The following PLCB1 variants were observed in gnomAD, a reference collection of about 807,000 sequenced individuals.
PLCB1 encodes phospholipase C beta 1, also known as 1-phosphatidylinositol 4,5-bisphosphate phosphodiesterase beta-1.
Under a neutral mutation model 161.8 loss-of-function variants are expected in PLCB1, and 46 were observed. The observed-to-expected ratio is 0.28, with a 90% CI of 0.22 to 0.36. PLCB1 has a LOEUF of 0.36. Among genes scored for constraint, PLCB1 ranks in the 10% least tolerant of loss-of-function variants. The pLI is 1.00. For synonymous variants in PLCB1, 517 were observed against 503.7 expected (o/e 1.03, Z -0.35); for missense variants, 1,016 against 1,472.5 (o/e 0.69, Z 5.07).
rs139618395 is a variant in PLCB1, at chr20:8,706,215, A to T, written c.1168-2455A>T. On this transcript the variant is annotated intron_variant, in intron 11 of 31. Coordinates refer to ENST00000338037, the MANE Select transcript of PLCB1 (RefSeq NM_015192.4). ...GAAAGAGAAATGGCTGGACAACAAC[A>T]TGATGGGTCTTTAAGACTCTACTCA... is the stretch of plus-strand genomic sequence containing the variant. 1.2e-3 allele frequency among the ~76,000 whole-genome samples: 188 copies of T among 152,352 alleles called. 1 individual carries two copies. The highest frequency in any genetic ancestry group is 4.2e-3 in the African/African-American group (173 of 41,568).
chr20:8,183,401 A>G (rs924357946), intron 2 of PLCB1, among the ~76,000 whole-genome samples: 4 of 152,238 alleles, frequency 2.6e-5, no homozygotes, highest in Admixed American at 2.0e-4. Context: ...TTAATCTAAA[A>G]CTCTCTGCTC....
At chr20:8,789,872 T>C (rs1041669995) in intron 30 of PLCB1, among the ~76,000 whole-genome samples, 1 of 152,210 alleles carries the variant, frequency 6.6e-6, no homozygotes, top group African/African-American at 2.4e-5. Context: ...TCATCAATGA[T>C]AGAGATGATG....
At chr20:8,840,124 G>A (rs1311881567) in intron 31 of PLCB1, among the ~76,000 whole-genome samples, 1 of 151,088 alleles carries the variant, frequency 6.6e-6, no homozygotes, top group Non-Finnish European at 1.5e-5. Context: ...TCAATGTTCT[G>A]TTCATATCAC....
chr20:8,333,152 A>C (rs1453912151), intron 2 of PLCB1, among the ~76,000 whole-genome samples: 1 of 152,154 alleles, frequency 6.6e-6, no homozygotes, highest in Admixed American at 6.5e-5. Flanking sequence ...GATTGAATGG[A>C]GGGAATTCCA....
rs146019508 is a variant in PLCB1, at chr20:8,674,043, A to C, written c.863-10889A>C. ...TGATGGGACTTGGTATAAATACTCC[A>C]GCTCCCTCCCCCCTTAAATGGGATC... On this transcript the variant is annotated intron_variant, in intron 9 of 31. Transcript: ENST00000338037. Among the ~76,000 whole-genome samples, 695 of 152,258 alleles carry C rather than the reference A, an allele frequency of 4.6e-3. 7 individuals carry two copies. Among genetic ancestry groups the C allele is most frequent in the Non-Finnish European group, 6.8e-3 (464 of 68,010 alleles).
chr20:8,146,105 GTTT>G (rs58227641), intron 1 of PLCB1, among the ~76,000 whole-genome samples: 2,548 of 141,764 alleles, frequency 0.018, 45 homozygotes, highest in African/African-American at 0.057. Flanking sequence ...TGTTTTTTTT[GTTT>G]TTTTTTTTTT....
chr20:8,761,245 A>G (rs183494735), intron 25 of PLCB1, among the ~76,000 whole-genome samples: 15 of 152,216 alleles, frequency 9.9e-5, no homozygotes, highest in African/African-American at 3.4e-4. Flanking sequence ...ACCAACTTCA[A>G]AGACAAAACT....
intron 31 of PLCB1, among the ~76,000 whole-genome samples, chr20:8,834,826 A>C (rs1179530061): frequency 2.5e-4 from 28 of 114,108 alleles, no homozygotes; most frequent in Non-Finnish European, 2.4e-4. Context: ...AAAAAAAAAA[A>C]AAAAAAAAAA....
At chr20:8,514,317 G>T (rs1052442004) in intron 3 of PLCB1, among the ~76,000 whole-genome samples, 1 of 152,058 alleles carries the variant, frequency 6.6e-6, no homozygotes, top group Non-Finnish European at 1.5e-5. Flanking sequence ...GCGTGAGCCT[G>T]TAGTCCCAGC....
chr20:8,719,371 G>A (rs571579686), intron 14 of PLCB1, among the ~76,000 whole-genome samples: 1 of 152,252 alleles, frequency 6.6e-6, no homozygotes, highest in African/African-American at 2.4e-5. Flanking sequence ...ATTGCTTAAA[G>A]CAGAGGTATT....
intron 2 of PLCB1, among the ~76,000 whole-genome samples, chr20:8,272,465 C>T (rs1022640085): frequency 1.3e-5 from 2 of 152,056 alleles, no homozygotes; most frequent in African/African-American, 2.4e-5. Flanking sequence ...CAGAATCATT[C>T]GAACCACCAC....
chr20:8,845,570 T>C (rs1200118478), intron 31 of PLCB1, among the ~76,000 whole-genome samples: 1 of 152,192 alleles, frequency 6.6e-6, no homozygotes, highest in Non-Finnish European at 1.5e-5. Flanking sequence ...ACAGAGAACA[T>C]TTCCATCATT....
chr20:8,147,097 T>C lies in PLCB1; in HGVS notation c.100-3197T>C, dbSNP rs528053906. The stretch of plus-strand genomic sequence containing the variant: ...TATTCCTGACCCAAAGCCTCACCTA[T>C]TGTAGGCCTACATCCGTGGTTTTGT... On this transcript the variant is annotated intron_variant, in intron 1 of 31. Coordinates refer to ENST00000338037, the MANE Select transcript of PLCB1 (RefSeq NM_015192.4). 8.5e-5 allele frequency among the ~76,000 whole-genome samples: 13 copies of C among 152,272 alleles called. No homozygotes were observed. In the South Asian group the frequency reaches 2.3e-3, roughly 27 times the overall value.
At chr20:8,499,810 T>G (rs1472795951) in intron 3 of PLCB1, among the ~76,000 whole-genome samples, 1 of 152,212 alleles carries the variant, frequency 6.6e-6, no homozygotes, top group Non-Finnish European at 1.5e-5. Flanking sequence ...TTTCATTAAT[T>G]CATTCAACCA....
At chr20:8,488,136 A>G (rs1174079537) in intron 3 of PLCB1, among the ~76,000 whole-genome samples, 1 of 152,244 alleles carries the variant, frequency 6.6e-6, no homozygotes, top group Non-Finnish European at 1.5e-5. Context: ...ATGATGAAGA[A>G]ACATGAAAAT....
chr20:8,498,593 A>C (rs993796850), intron 3 of PLCB1, among the ~76,000 whole-genome samples: 2 of 152,212 alleles, frequency 1.3e-5, no homozygotes, highest in Non-Finnish European at 2.9e-5. Flanking sequence ...TCCGGAAATA[A>C]GATAGTTATA....
At chr20:8,449,230 C>T (rs1912086946) in intron 3 of PLCB1, among the ~76,000 whole-genome samples, 2 of 152,114 alleles carry the variant, frequency 1.3e-5, no homozygotes, top group Admixed American at 6.5e-5. Context: ...CTATTATTGT[C>T]AACATCTTAT....
chr20:8,541,599 A>AGAAAGAAAGAAAGAAAGAAG (rs1985331127), intron 3 of PLCB1, among the ~76,000 whole-genome samples: 2 of 151,940 alleles, frequency 1.3e-5, no homozygotes, highest in African/African-American at 4.8e-5. Flanking sequence ...AAAGAAAGAA[A>AGAAAGAAAGAAAGAAAGAAG]GAAAGAAAGG....
At chr20:8,138,079 C>G (rs1389910297) in intron 1 of PLCB1, among the ~76,000 whole-genome samples, 1 of 152,158 alleles carries the variant, frequency 6.6e-6, no homozygotes, top group Non-Finnish European at 1.5e-5. Flanking sequence ...TGCCTTCAGG[C>G]TGTTATTGGC....
Sources: gnomAD v4.1 joint callset for allele counts (sites outside exome capture counted in the v4.1 genomes callset) on GRCh38, gnomAD v4.1.1 for gene constraint, MANE v1.5 for transcripts, NCBI Gene and HGNC (gene_info 2026-07-23, HGNC 2026-07-21) for gene names.